Variants in MSH3 observed in about 807,000 individuals in gnomAD.
MSH3 encodes DNA mismatch repair protein Msh3.
A neutral mutation model predicts 123.3 loss-of-function variants in MSH3; 106 were observed. The ratio of observed to expected loss-of-function variants is 0.86; its 90% CI spans 0.73 to 1.01. The LOEUF is 1.01. Ranked by LOEUF, MSH3 falls within the 50% of genes least tolerant of loss-of-function variation. The pLI is 0.00. For missense variants in MSH3, 1,459 were observed against 1,347.6 expected (o/e 1.08, Z -1.29); for synonymous variants, 515 against 481.4 (o/e 1.07, Z -0.91).
intron 3 of MSH3, among the ~76,000 whole-genome samples, chr5:80,666,674 GGAAATTA>G (rs1749578162): frequency 6.6e-6 from 1 of 152,152 alleles, no homozygotes; most frequent in Admixed American, 6.5e-5. Context: ...CCACATCACA[GGAAATTA>G]GAAGTAAGTA....
At chr5:80,671,910 C>T (rs1217160683) in intron 4 of MSH3, among the ~76,000 whole-genome samples, 2 of 152,166 alleles carry the variant, frequency 1.3e-5, no homozygotes, top group Admixed American at 1.3e-4. Context: ...GTAGCAAATT[C>T]TTACTCTTTT....
chr5:80,814,551 G>A (rs1432860000), intron 20 of MSH3, among the ~76,000 whole-genome samples: 3 of 152,218 alleles, frequency 2.0e-5, no homozygotes, highest in African/African-American at 4.8e-5. Context: ...GATTATAGGC[G>A]TGAGCCACCA....
chr5:80,771,785 T>C (rs1407268955), intron 15 of MSH3, among the ~76,000 whole-genome samples: 1 of 152,220 alleles, frequency 6.6e-6, no homozygotes, highest in Non-Finnish European at 1.5e-5. Context: ...TCCAGTGTTA[T>C]TTTGACAACA....
intron 17 of MSH3, among the ~76,000 whole-genome samples, chr5:80,779,928 C>G (rs955693253): frequency 8.5e-5 from 13 of 152,142 alleles, no homozygotes; most frequent in African/African-American, 3.1e-4. Context: ...CCCCCCGCCA[C>G]CGGCTTTAGA....
rs144180185 is a variant in MSH3, at chr5:80,710,489, G to C, written c.1341-14964G>C. On this transcript the variant is annotated intron_variant, in intron 8 of 23. Coordinates refer to ENST00000265081, the MANE Select transcript of MSH3 (RefSeq NM_002439.5). The stretch of plus-strand genomic sequence containing the variant: ...GTCTGAATTTCTCTCTGGTGGTAAA[G>C]TTTCTGACAAAGCATCTGTGCTTAA... Among the ~76,000 whole-genome samples the C allele has an allele frequency of 5.2e-3, 792 of 152,240 alleles. 4 individuals are homozygous for C. Among genetic ancestry groups the C allele is most frequent in the Middle Eastern group, 0.017 (5 of 294 alleles).
chr5:80,842,534 C>A (rs191483442), intron 20 of MSH3, among the ~76,000 whole-genome samples: 2,153 of 152,292 alleles, frequency 0.014, 54 homozygotes, highest in African/African-American at 0.05. Context: ...TTCTTCCTAT[C>A]CATGAGCATG....
intron 20 of MSH3, among the ~76,000 whole-genome samples, chr5:80,832,955 C>T (rs1026387019): frequency 3.9e-5 from 6 of 152,102 alleles, no homozygotes; most frequent in African/African-American, 1.4e-4. Flanking sequence ...GAAGCCCACT[C>T]CATTTGCCTG....
intron 18 of MSH3, among the ~76,000 whole-genome samples, chr5:80,790,864 T>G (rs1744594512): frequency 6.6e-6 from 1 of 152,192 alleles, no homozygotes; most frequent in Non-Finnish European, 1.5e-5. Context: ...ACCAGTGCCC[T>G]GCATATTCAT....
rs2112866876 is a variant in MSH3, at chr5:80,741,561, C to A, written c.1653+13C>A. The A allele has an allele frequency of 6.4e-7, 1 of 1,569,464 alleles. No individual in the cohort carries two copies. On this transcript the variant is annotated intron_variant, in intron 11 of 23. Transcript: ENST00000265081. ...CCTACAGAATCAGGTCAGGCAAATA[C>A]AAGGGCTAGTTGATTATAAATCGTT...
At chr5:80,710,467 T>G (rs1452176712) in intron 8 of MSH3, among the ~76,000 whole-genome samples, 2 of 152,246 alleles carry the variant, frequency 1.3e-5, no homozygotes, top group African/African-American at 2.4e-5. Flanking sequence ...TATTACAGTC[T>G]GAATTTCTCT....
At chr5:80,797,671 C>T (rs1289339062) in intron 19 of MSH3, among the ~76,000 whole-genome samples, 7 of 152,196 alleles carry the variant, frequency 4.6e-5, no homozygotes, top group Non-Finnish European at 1.0e-4. Flanking sequence ...TATTTTAAGG[C>T]AAGCCAGTGC....
At chr5:80,734,382 G>C (rs995762181) in intron 10 of MSH3, among the ~76,000 whole-genome samples, 2 of 152,120 alleles carry the variant, frequency 1.3e-5, no homozygotes, top group Non-Finnish European at 2.9e-5. Context: ...GGTGGTGATG[G>C]TTGGCCAATT....
intron 19 of MSH3, among the ~76,000 whole-genome samples, chr5:80,808,574 G>A (rs1182106402): frequency 6.6e-6 from 1 of 151,864 alleles, no homozygotes; most frequent in Non-Finnish European, 1.5e-5. Context: ...TTAAATATTA[G>A]AGCTGTGAAG....
At chr5:80,797,241 A>G (rs1273519732) in intron 19 of MSH3, among the ~76,000 whole-genome samples, 3 of 152,090 alleles carry the variant, frequency 2.0e-5, no homozygotes, top group Non-Finnish European at 2.9e-5. Context: ...CCACCAAATT[A>G]TAATCATTCT....
intron 8 of MSH3, among the ~76,000 whole-genome samples, chr5:80,723,037 C>T (rs1263307244): frequency 6.6e-6 from 1 of 151,516 alleles, no homozygotes; most frequent in Non-Finnish European, 1.5e-5. Flanking sequence ...CCTGGGAGGT[C>T]GATGATGCTG....
intron 22 of MSH3, among the ~76,000 whole-genome samples, chr5:80,872,022 A>C (rs1746222706): frequency 6.6e-6 from 1 of 152,206 alleles, no homozygotes; most frequent in African/African-American, 2.4e-5. Flanking sequence ...CAGCTGAGGG[A>C]ATAAACTCTT....
intron 20 of MSH3, among the ~76,000 whole-genome samples, chr5:80,825,773 A>T (rs1745287215): frequency 1.3e-5 from 2 of 152,244 alleles, no homozygotes; most frequent in African/African-American, 4.8e-5. Flanking sequence ...AAAATTGCTC[A>T]TAAGAACATT....
At chr5:80,749,555 A>G (rs1743794240) in intron 12 of MSH3, among the ~76,000 whole-genome samples, 1 of 152,202 alleles carries the variant, frequency 6.6e-6, no homozygotes. Flanking sequence ...TACACCCAGG[A>G]ACAATACTTT....
intron 21 of MSH3, among the ~76,000 whole-genome samples, chr5:80,856,962 T>C (rs1305539075): frequency 1.3e-5 from 2 of 152,208 alleles, no homozygotes; most frequent in African/African-American, 4.8e-5. Flanking sequence ...AGAAAGGATA[T>C]CGTTGCCTTG....
Sources: allele counts gnomAD v4.1 joint callset (sites outside exome capture counted in the v4.1 genomes callset), GRCh38; gene constraint gnomAD v4.1.1; transcripts MANE v1.5; gene names NCBI Gene and HGNC (gene_info 2026-07-23, HGNC 2026-07-21).